Variants in ZNF804B observed in about 807,000 individuals in gnomAD.
The protein encoded by ZNF804B is zinc finger 804B.
Under a neutral mutation model 101.4 loss-of-function variants are expected in ZNF804B, and 80 were observed. The observed-to-expected ratio is 0.79, with a 90% confidence interval of 0.66 to 0.95. The LOEUF (loss-of-function observed/expected upper bound fraction) is 0.95. Ranked by LOEUF, ZNF804B falls within the 40% of genes least tolerant of loss-of-function variation. The pLI is 0.00. For synonymous variants in ZNF804B, 622 were observed against 558.8 expected (o/e 1.11, Z -1.59); for missense variants, 1,673 against 1,561.9 (o/e 1.07, Z -1.20).
At chr7:89,159,924 C>T (rs1791034059) in intron 1 of ZNF804B, among the ~76,000 whole-genome samples, 2 of 151,982 alleles carry the variant, frequency 1.3e-5, no homozygotes, top group South Asian at 2.1e-4. Flanking sequence ...TCTGAGCTCC[C>T]AAAGGAAAGA....
chr7:89,289,103 A>G (rs1790248827), intron 2 of ZNF804B, among the ~76,000 whole-genome samples: 1 of 152,156 alleles, frequency 6.6e-6, no homozygotes, highest in Non-Finnish European at 1.5e-5. Context: ...AAAAGAAAAT[A>G]GAGGAGGTAA....
At chr7:89,157,979 T>G (rs772413858) in intron 1 of ZNF804B, among the ~76,000 whole-genome samples, 2 of 152,190 alleles carry the variant, frequency 1.3e-5, no homozygotes, top group Non-Finnish European at 2.9e-5. Context: ...TAAAATACAA[T>G]TATTGTAAAG....
At position 89,220,002 on chromosome 7, in the gene ZNF804B, T is replaced by TACATATGTGTGCATATATGTATAC. The variant is rs1491540820; in HGVS notation, c.249+1707_249+1708insACATATGTGTGCATATATGTATAC. On this transcript the variant is annotated intron_variant, in intron 2 of 3. Coordinates refer to ENST00000333190, the MANE Select transcript of ZNF804B (RefSeq NM_181646.5). Reference sequence around the variant, plus strand: ...ATACATATGTGTGCATATATGTATATGCACATATATGTGTGTATACATATA... The same window carrying TACATATGTGTGCATATATGTATAC: ...ATACATATGTGTGCATATATGTATATACATATGTGTGCATATATGTATACGCACATATATGTGTGTATACATATA... Among the ~76,000 whole-genome samples the TACATATGTGTGCATATATGTATAC allele has an allele frequency of 2.2e-4, 6 of 27,588 alleles. 3 individuals are homozygous for TACATATGTGTGCATATATGTATAC. Among genetic ancestry groups the TACATATGTGTGCATATATGTATAC allele is most frequent in the Admixed American group, 1.3e-3 (4 of 3,098 alleles). The allele number at this position is 27,588 out of a possible 152,430, so 18.1% of individuals were successfully genotyped here.
chr7:88,954,982 G>A (rs1334138724), intron 1 of ZNF804B, among the ~76,000 whole-genome samples: 3 of 151,172 alleles, frequency 2.0e-5, no homozygotes, highest in Non-Finnish European at 4.4e-5. Context: ...GGAGATTTTT[G>A]GGCAGTTGCG....
chr7:89,305,277 T>G (rs1049871160), intron 2 of ZNF804B, among the ~76,000 whole-genome samples: 1 of 152,036 alleles, frequency 6.6e-6, no homozygotes, highest in Non-Finnish European at 1.5e-5. Flanking sequence ...TGGCCACCAG[T>G]CAATTTGATT....
At chr7:88,950,368 A>G (rs1584034387) in intron 1 of ZNF804B, among the ~76,000 whole-genome samples, 1 of 151,914 alleles carries the variant, frequency 6.6e-6, no homozygotes, top group Admixed American at 6.6e-5. Context: ...AGATGATTCA[A>G]TAAGAAAGCT....
chr7:89,000,360 T>G (rs1788265109), intron 1 of ZNF804B, among the ~76,000 whole-genome samples: 1 of 151,982 alleles, frequency 6.6e-6, no homozygotes, highest in Admixed American at 6.6e-5. Context: ...TAACAAATCA[T>G]TAAGCAATGA....
At chr7:88,796,815 G>A (rs1790493498) in intron 1 of ZNF804B, among the ~76,000 whole-genome samples, 1 of 152,018 alleles carries the variant, frequency 6.6e-6, no homozygotes, top group South Asian at 2.1e-4. Flanking sequence ...TTGCACGTTT[G>A]AAATTGGAAA....
intron 1 of ZNF804B, among the ~76,000 whole-genome samples, chr7:88,917,220 G>A (rs758011281): frequency 1.3e-5 from 2 of 151,842 alleles, no homozygotes; most frequent in Admixed American, 6.6e-5. Flanking sequence ...AGCCGAGATC[G>A]CACCATTGCA....
intron 1 of ZNF804B, among the ~76,000 whole-genome samples, chr7:89,210,217 G>T (rs1788781638): frequency 6.6e-6 from 1 of 151,362 alleles, no homozygotes; most frequent in Non-Finnish European, 1.5e-5. Context: ...TGTTAATTAA[G>T]TACATATTAT....
At chr7:89,248,762 C>G (rs919325690) in intron 2 of ZNF804B, among the ~76,000 whole-genome samples, 4 of 152,008 alleles carry the variant, frequency 2.6e-5, no homozygotes, top group Non-Finnish European at 5.9e-5. Context: ...TAAAAACTCA[C>G]GACAGGATCA....
chr7:89,275,953 T>A (rs111785036), intron 2 of ZNF804B, among the ~76,000 whole-genome samples: 1 of 151,650 alleles, frequency 6.6e-6, no homozygotes, highest in Non-Finnish European at 1.5e-5. Flanking sequence ...GATAAAAAAA[T>A]GTGGTACATA....
intron 1 of ZNF804B, among the ~76,000 whole-genome samples, chr7:88,929,546 T>C (rs1215459682): frequency 1.3e-5 from 2 of 151,946 alleles, no homozygotes; most frequent in Non-Finnish European, 2.9e-5. Context: ...TCACGTCTTG[T>C]ACAGTTTGTA....
At chr7:88,994,032 G>T (rs934725821) in intron 1 of ZNF804B, among the ~76,000 whole-genome samples, 1 of 151,860 alleles carries the variant, frequency 6.6e-6, no homozygotes, top group African/African-American at 2.4e-5. Context: ...ATTTTTCTAT[G>T]TTATTACAAT....
intron 1 of ZNF804B, among the ~76,000 whole-genome samples, chr7:89,029,803 A>G (rs1191093285): frequency 1.3e-5 from 2 of 152,100 alleles, no homozygotes; most frequent in Non-Finnish European, 2.9e-5. Context: ...CAGTAATGTA[A>G]TTGAGTGTTA....
intron 1 of ZNF804B, among the ~76,000 whole-genome samples, chr7:89,197,242 C>A (rs1303505715): frequency 6.6e-6 from 1 of 151,900 alleles, no homozygotes; most frequent in African/African-American, 2.4e-5. Flanking sequence ...ATCTTTATAT[C>A]TTTCAACTAC....
intron 1 of ZNF804B, among the ~76,000 whole-genome samples, chr7:88,818,692 G>A (rs970572942): frequency 2.6e-5 from 4 of 152,286 alleles, no homozygotes; most frequent in African/African-American, 9.6e-5. Flanking sequence ...TAGACTTGTA[G>A]TCAGAAGCCC....
At chr7:89,112,038 C>A (rs1480766443) in intron 1 of ZNF804B, among the ~76,000 whole-genome samples, 1 of 146,866 alleles carries the variant, frequency 6.8e-6, no homozygotes, top group African/African-American at 2.6e-5. Flanking sequence ...CCTGGGAGAC[C>A]TAGGTTGCAG....
At chr7:88,937,141 T>A (rs1792985193) in intron 1 of ZNF804B, among the ~76,000 whole-genome samples, 1 of 148,668 alleles carries the variant, frequency 6.7e-6, no homozygotes, top group Non-Finnish European at 1.5e-5. Context: ...AAAGTATTAT[T>A]GCTCTCCACA....
Sources: allele counts gnomAD v4.1 joint callset (sites outside exome capture counted in the v4.1 genomes callset), GRCh38; gene constraint gnomAD v4.1.1; transcripts MANE v1.5; gene names NCBI Gene and HGNC (gene_info 2026-07-23, HGNC 2026-07-21).